The following ADAM12 variants were observed in gnomAD, a reference collection of about 807,000 sequenced individuals.
ADAM12 encodes the protein disintegrin and metalloproteinase domain-containing protein 12.
Under a neutral mutation model 106.4 loss-of-function variants are expected in ADAM12, and 70 were observed. The observed-to-expected ratio is 0.66, with a 90% CI of 0.54 to 0.80. The LOEUF (loss-of-function observed/expected upper bound fraction) is 0.80, where lower values mean the gene tolerates loss of function less well. Ranked by LOEUF, ADAM12 falls within the 30% of genes least tolerant of loss-of-function variation. The pLI is 0.00. For synonymous variants in ADAM12, 420 were observed against 433.5 expected, an observed-to-expected ratio of 0.97 and a Z score of 0.39; for missense variants, 1,010 against 1,171.9, an observed-to-expected ratio of 0.86 and a Z score of 2.02.
At chr10:126,161,190 G>C (rs554389823) in intron 3 of ADAM12, among the ~76,000 whole-genome samples, 1 of 152,322 alleles carries the variant, frequency 6.6e-6, no homozygotes, top group South Asian at 2.1e-4. Flanking sequence ...CAGCCCTGCA[G>C]AGAGCCTGCA....
chr10:126,036,336 A>G lies in ADAM12; in HGVS notation c.2350-11T>C. 1 of 1,565,904 alleles carries G rather than the reference A, an allele frequency of 6.4e-7. No homozygotes were observed. Among genetic ancestry groups the G allele is most frequent in the Admixed American group, 2.0e-5 (1 of 49,898 alleles). ...TCTCCTGGGATTGTCCTGTACAGTC[A>G]AAGTAAAAAGCCATGCTATAGCGGG... On this transcript the variant is annotated splice_polypyrimidine_tract_variant and intron_variant, in intron 20 of 22. Coordinates refer to ENST00000448723, the MANE Select transcript of ADAM12 (RefSeq NM_001288973.2).
At chr10:126,118,355 T>C (rs1956026137) in intron 5 of ADAM12, 131 bp from the exon 6 acceptor site, 2 of 688,822 alleles carry the variant, frequency 2.9e-6, no homozygotes, top group Admixed American at 3.0e-5. Flanking sequence ...CAGATTTTGA[T>C]TGGAAAGGAC....
intron 21 of ADAM12, among the ~76,000 whole-genome samples, chr10:126,027,863 C>T (rs762503663): frequency 7.2e-5 from 11 of 152,086 alleles, no homozygotes; most frequent in Non-Finnish European, 1.5e-4. Flanking sequence ...GGCAATCAGG[C>T]AAGAGAAAGG....
chr10:126,090,312 CAA>C (rs58704417), intron 11 of ADAM12, among the ~76,000 whole-genome samples: 338 of 123,248 alleles, frequency 2.7e-3, no homozygotes, highest in Non-Finnish European at 3.4e-3. Context: ...AAACTTTCTG[CAA>C]AAAAAAAAAA....
chr10:126,167,853 C>T (rs565312759), intron 3 of ADAM12, among the ~76,000 whole-genome samples: 3 of 152,228 alleles, frequency 2.0e-5, no homozygotes, highest in Admixed American at 2.0e-4. Context: ...TATAATGACA[C>T]TATGAGTTGG....
chr10:126,069,700 G>A (rs548047525), intron 12 of ADAM12, among the ~76,000 whole-genome samples: 1 of 152,294 alleles, frequency 6.6e-6, no homozygotes, highest in Admixed American at 6.5e-5. Context: ...ATACTGGTGT[G>A]GCCACGGTGG....
At chr10:126,387,368 T>C (rs912707490) in intron 1 of ADAM12, among the ~76,000 whole-genome samples, 2 of 152,138 alleles carry the variant, frequency 1.3e-5, no homozygotes, top group Admixed American at 6.5e-5. Context: ...GTGCACCAAG[T>C]TGATGGGGGC....
intron 3 of ADAM12, among the ~76,000 whole-genome samples, chr10:126,195,321 T>C (rs1218940699): frequency 6.6e-6 from 1 of 152,172 alleles, no homozygotes; most frequent in Non-Finnish European, 1.5e-5. Flanking sequence ...ATGTGTATAA[T>C]CCCAGCACCT....
chr10:126,321,681 G>A (rs1005627960), intron 2 of ADAM12, among the ~76,000 whole-genome samples: 4 of 152,184 alleles, frequency 2.6e-5, no homozygotes, highest in African/African-American at 9.6e-5. Context: ...CAGACAGGGA[G>A]GGAGAGAGCG....
intron 1 of ADAM12, among the ~76,000 whole-genome samples, chr10:126,375,047 A>G (rs1856234587): frequency 6.6e-6 from 1 of 152,220 alleles, no homozygotes. Context: ...CAAGGATACA[A>G]CAGGTAATAT....
chr10:126,243,532 C>G (rs1958572422), intron 3 of ADAM12, among the ~76,000 whole-genome samples: 2 of 130,518 alleles, frequency 1.5e-5, no homozygotes, highest in African/African-American at 5.8e-5. Flanking sequence ...TCATTCAGGA[C>G]AAGTTAAAAC....
intron 3 of ADAM12, among the ~76,000 whole-genome samples, chr10:126,256,446 C>A (rs10794072): frequency 0.97 from 147,092 of 152,220 alleles, 71,231 homozygotes; most frequent in East Asian, 1. Context: ...GGTGACGTGG[C>A]CACAGTGATC....
At chr10:126,222,226 T>G (rs1191571679) in intron 3 of ADAM12, among the ~76,000 whole-genome samples, 1 of 152,062 alleles carries the variant, frequency 6.6e-6, no homozygotes, top group African/African-American at 2.4e-5. Context: ...ATAAAGCTTT[T>G]GTTTGCAGAG....
chr10:126,329,463 T>C (rs1854425864), intron 2 of ADAM12, among the ~76,000 whole-genome samples: 1 of 152,242 alleles, frequency 6.6e-6, no homozygotes, highest in East Asian at 1.9e-4. Context: ...CTTAAGTTTT[T>C]CTTCCAGAAA....
At chr10:126,325,896 T>A (rs56844358) in intron 2 of ADAM12, among the ~76,000 whole-genome samples, 2,044 of 152,282 alleles carry the variant, frequency 0.013, 48 homozygotes, top group African/African-American at 0.046. Context: ...GGAATGCAGA[T>A]AAGTTTATCC....
intron 3 of ADAM12, among the ~76,000 whole-genome samples, chr10:126,171,565 C>G (rs766693488): frequency 6.6e-6 from 1 of 152,330 alleles, no homozygotes; most frequent in Admixed American, 6.5e-5. Flanking sequence ...AGAGTTAGCA[C>G]CTTTTCCTTG....
intron 3 of ADAM12, among the ~76,000 whole-genome samples, chr10:126,192,070 T>A (rs113653986): frequency 6.6e-6 from 1 of 152,106 alleles, no homozygotes; most frequent in Non-Finnish European, 1.5e-5. Context: ...CCCGGCCCCA[T>A]CCAATCACCT....
At chr10:126,159,810 C>A (rs148483978) in intron 3 of ADAM12, among the ~76,000 whole-genome samples, 1 of 152,124 alleles carries the variant, frequency 6.6e-6, no homozygotes, top group African/African-American at 2.4e-5. Context: ...CAATACAAAG[C>A]CCTAAAACTA....
chr10:126,199,051 C>T (rs1169327415), intron 3 of ADAM12, among the ~76,000 whole-genome samples: 1 of 152,064 alleles, frequency 6.6e-6, no homozygotes, highest in African/African-American at 2.4e-5. Flanking sequence ...TTATGGTGAG[C>T]TTTGTGCTTT....
Sources: allele counts gnomAD v4.1 joint callset (sites outside exome capture counted in the v4.1 genomes callset), GRCh38; gene constraint gnomAD v4.1.1; transcripts MANE v1.5; gene names NCBI Gene and HGNC (gene_info 2026-07-23, HGNC 2026-07-21).